The following BCL2L14 variants were observed in gnomAD, a reference collection of about 807,000 sequenced individuals.
The protein encoded by BCL2L14 is apoptosis facilitator Bcl-2-like protein 14.
Under a neutral mutation model 35.3 loss-of-function variants are expected in BCL2L14, and 27 were observed. The observed-to-expected ratio is 0.76, with a 90% CI of 0.56 to 1.05. The LOEUF is 1.05. BCL2L14 is among the 50% of genes least tolerant of loss of function. The pLI is 0.00. For missense variants in BCL2L14, 377 were observed against 382.6 expected, an observed-to-expected ratio of 0.99 and a Z score of 0.12; for synonymous variants, 139 against 145.9, an observed-to-expected ratio of 0.95 and a Z score of 0.34.
chr12:12,055,044 CTCATAGAG>C (rs1198159629), intron 2 of BCL2L14: 2 of 151,800 alleles, frequency 1.3e-5, no homozygotes, highest in African/African-American at 4.8e-5. Flanking sequence ...GAACCAATTA[CTCATAGAG>C]TCATAAACAG....
At chr12:12,083,838 C>T (rs184573411) in intron 2 of BCL2L14, among the ~76,000 whole-genome samples, 1 of 152,150 alleles carries the variant, frequency 6.6e-6, no homozygotes, top group African/African-American at 2.4e-5. Flanking sequence ...GTCTCAGCTA[C>T]TCGAGAGGCT....
In BCL2L14 at chr12:12,094,539, T is replaced by C. The variant is rs759983720; in HGVS notation, c.679-125T>C. On this transcript the variant is annotated intron_variant, in intron 4 of 5. Transcript: ENST00000308721. ...ACTGCCTTCATCCCCATTCCCTTGG[T>C]TGACACCAGCATCCAGGGTTTTCCA... is the stretch of plus-strand genomic sequence containing the variant. 5 of 1,614,282 alleles carry C rather than the reference T, an allele frequency of 3.1e-6. No individual in the cohort carries two copies. In the South Asian group the frequency reaches 5.5e-5, roughly 18 times the overall value.
rs144375111 is a variant in BCL2L14, at chr12:12,088,205, C to A, written c.607+819C>A. ...GAAAGGAGAACAGCTCTCTCTCCTGCGACAGAGAGGGGAACCCAAATGTGA... is the reference window on the plus strand; with the variant it reads ...GAAAGGAGAACAGCTCTCTCTCCTGAGACAGAGAGGGGAACCCAAATGTGA... On this transcript the variant is annotated intron_variant, in intron 3 of 5. Transcript: ENST00000308721. Among the ~76,000 whole-genome samples, 594 of 152,256 alleles carry A rather than the reference C, an allele frequency of 3.9e-3. 3 individuals are homozygous for A. Among genetic ancestry groups the A allele is most frequent in the Non-Finnish European group, 4.6e-3 (314 of 68,016 alleles).
chr12:12,098,027 AG>A (rs1170032877), intron 5 of BCL2L14, among the ~76,000 whole-genome samples: 1 of 151,354 alleles, frequency 6.6e-6, no homozygotes, highest in Admixed American at 6.6e-5. Flanking sequence ...AGAATGTGAG[AG>A]GGATGACTAA....
At chr12:12,053,546 G>A (rs760880643) in intron 2 of BCL2L14, among the ~76,000 whole-genome samples, 20 of 151,932 alleles carry the variant, frequency 1.3e-4, no homozygotes, top group Non-Finnish European at 2.6e-4. Flanking sequence ...TCAGCCTCCC[G>A]AGTAGCTGGG....
intron 1 of BCL2L14, chr12:12,072,562 T>TTAGA (rs1038631613): frequency 2.0e-5 from 3 of 152,192 alleles, no homozygotes; most frequent in Non-Finnish European, 4.4e-5. Context: ...CGGCCCTGAA[T>TTAGA]TAGAATAAGC....
At chr12:12,098,809 C>T (rs1949369447) in intron 5 of BCL2L14, 141 bp from the exon 6 acceptor site, 2 of 697,184 alleles carry the variant, frequency 2.9e-6, no homozygotes, top group Admixed American at 4.5e-5. Flanking sequence ...ATGCCAGTCA[C>T]CTCTCCAAAC....
intron 2 of BCL2L14, 135 bp from the exon 3 acceptor site, chr12:12,087,078 C>A: frequency 1.0e-6 from 1 of 954,108 alleles, no homozygotes; most frequent in Non-Finnish European, 1.6e-6. Flanking sequence ...AAGAATGACC[C>A]TCCCCCAGCA....
chr12:12,083,774 G>A (rs36102968), intron 2 of BCL2L14, among the ~76,000 whole-genome samples: 30,374 of 151,868 alleles, frequency 0.2, 3,543 homozygotes, highest in South Asian at 0.27. Context: ...ACAAAACCCC[G>A]TCTCTATTAA....
chr12:12,083,627 G>C (rs1031349335), intron 2 of BCL2L14, among the ~76,000 whole-genome samples: 3 of 152,120 alleles, frequency 2.0e-5, no homozygotes. Flanking sequence ...GGCATGATAT[G>C]ACAGCTCCAC....
chr12:12,056,594 G>T (rs957461175), intron 2 of BCL2L14, among the ~76,000 whole-genome samples: 1 of 152,228 alleles, frequency 6.6e-6, no homozygotes, highest in African/African-American at 2.4e-5. Flanking sequence ...AGCACTTTGG[G>T]AGGCCAAGGT....
At chr12:12,077,795 A>C in intron 1 of BCL2L14, 1 of 212,788 alleles carries the variant, frequency 4.7e-6, no homozygotes, top group Non-Finnish European at 1.0e-5. Flanking sequence ...GGACTGTTAG[A>C]CTGAGAAGCC....
intron 2 of BCL2L14, among the ~76,000 whole-genome samples, chr12:12,061,827 C>A (rs1483750520): frequency 2.0e-5 from 3 of 152,176 alleles, no homozygotes; most frequent in Non-Finnish European, 4.4e-5. Context: ...CAGCATAATT[C>A]TCATAAAAAC....
At chr12:12,052,818 C>T (rs992174417) in intron 2 of BCL2L14, among the ~76,000 whole-genome samples, 8 of 152,240 alleles carry the variant, frequency 5.3e-5, no homozygotes, top group East Asian at 3.9e-4. Flanking sequence ...GAGCCCTGAA[C>T]GAGATAATTT....
At chr12:12,068,088 T>G (rs1948614980), upstream of BCL2L14, 2 of 396,864 alleles carry the variant, frequency 5.0e-6, no homozygotes, top group East Asian at 3.6e-5. Context: ...AGACTACAGG[T>G]GTGCTCCACC....
rs141217793 is a variant in BCL2L14 at position 12,078,609 on chromosome 12, A to G, written c.-7-690A>G. On this transcript the variant is annotated intron_variant, in intron 1 of 5. Coordinates refer to ENST00000308721, the MANE Select transcript of BCL2L14 (RefSeq NM_138723.2). ...TCACCACTCTTCAAACACATTCTGA[A>G]TTCACCTATAATCTCCCCTCTGCCC... is the stretch of plus-strand genomic sequence containing the variant. Among the ~76,000 whole-genome samples, 142 of 152,224 alleles carry G rather than the reference A, an allele frequency of 9.3e-4. 3 individuals are homozygous for G. In the East Asian group the frequency reaches 0.023, roughly 24 times the overall value.
At chr12:12,060,608 G>T (rs1358315037) in intron 2 of BCL2L14, among the ~76,000 whole-genome samples, 2 of 51,174 alleles carry the variant, frequency 3.9e-5, no homozygotes, top group African/African-American at 1.7e-4. Context: ...AACTTCCAAA[G>T]GCCTAAACCT....
chr12:12,065,156 C>T (rs771511697), intron 2 of BCL2L14, among the ~76,000 whole-genome samples: 4 of 152,268 alleles, frequency 2.6e-5, no homozygotes, highest in African/African-American at 7.2e-5. Context: ...CACACAGGAT[C>T]GCTCAATGAT....
chr12:12,089,742 G>A (rs943745204), intron 3 of BCL2L14, among the ~76,000 whole-genome samples: 1 of 152,110 alleles, frequency 6.6e-6, no homozygotes, highest in Admixed American at 6.6e-5. Context: ...CACCAACCGT[G>A]GCCACGTTCC....
Sources: gnomAD v4.1 joint callset for allele counts (sites outside exome capture counted in the v4.1 genomes callset) on GRCh38, gnomAD v4.1.1 for gene constraint, MANE v1.5 for transcripts, NCBI Gene and HGNC (gene_info 2026-07-23, HGNC 2026-07-21) for gene names.